Variants in RNF115 observed in about 807,000 individuals in gnomAD.
RNF115 encodes the protein ring finger protein 115.
RNF115 carries 31 observed loss-of-function variants against 39.2 expected under a neutral mutation model. That is an observed-to-expected ratio of 0.79 (90% CI 0.59 to 1.07). The LOEUF is 1.07. Ranked by LOEUF, RNF115 falls within the 50% of genes least tolerant of loss-of-function variation. The pLI is 0.00. For missense variants in RNF115, 384 were observed against 381.7 expected, an observed-to-expected ratio of 1.01 and a Z score of -0.05; for synonymous variants, 124 against 131.0, an observed-to-expected ratio of 0.95 and a Z score of 0.37.
chr1:145,783,988 C>T (rs781783402), intron 3 of RNF115, among the ~76,000 whole-genome samples: 4 of 152,162 alleles, frequency 2.6e-5, no homozygotes, highest in Middle Eastern at 3.4e-3. Flanking sequence ...AAAATATGGA[C>T]GCCACATTAT....
intron 4 of RNF115, among the ~76,000 whole-genome samples, chr1:145,767,496 G>C (rs1346166258): frequency 6.6e-6 from 1 of 151,674 alleles, no homozygotes; most frequent in Non-Finnish European, 1.5e-5. Flanking sequence ...AGACTGGGCA[G>C]CCAGGCAGAG....
At chr1:145,760,021 CATCT>C (rs781980511) in intron 4 of RNF115, among the ~76,000 whole-genome samples, 22 of 152,184 alleles carry the variant, frequency 1.4e-4, no homozygotes, top group Non-Finnish European at 2.9e-4. Context: ...TTATTTTGAT[CATCT>C]ATCTTTCTCC....
chr1:145,758,199 A>G (rs1365748664), intron 4 of RNF115, among the ~76,000 whole-genome samples: 9 of 152,140 alleles, frequency 5.9e-5, no homozygotes, highest in African/African-American at 2.2e-4. Context: ...AAAAGATATT[A>G]TGGGTTTTTT....
At chr1:145,823,646 C>T (rs1650415055) in intron 1 of RNF115, 126 bp downstream of exon 1, 4 of 740,068 alleles carry the variant, frequency 5.4e-6, no homozygotes, top group Admixed American at 3.6e-5. Flanking sequence ...TAGAAGTGGG[C>T]AGCAGGTATT....
rs781891649 is a variant in RNF115 at position 145,823,826 on chromosome 1, G to A, written c.48C>T (p.Ala16=). The A allele has an allele frequency of 1.9e-6, 3 of 1,582,592 alleles. No individual in the cohort carries two copies. The East Asian group carries it at 7.3e-5, about 39-fold the overall frequency. Reference sequence around the variant, plus strand: ...AAAAGTGGCAGAAAAACCGGTGGGCGGCTACAGCGGCGCCCGAGTCCGCCC... The same window carrying A: ...AAAAGTGGCAGAAAAACCGGTGGGCAGCTACAGCGGCGCCCGAGTCCGCCC... ...AAGADSGAAV[A]AHRFFCHFCK... is the part of the protein sequence containing the mutation. Residue 16 remains alanine, a synonymous_variant, in exon 1 of 9, where the codon GCC becomes GCT. Transcript: ENST00000582693.
chr1:145,794,117 T>A (rs1648819587), intron 1 of RNF115, among the ~76,000 whole-genome samples: 1 of 152,220 alleles, frequency 6.6e-6, no homozygotes, highest in Admixed American at 6.5e-5. Context: ...GTGCTGGAAT[T>A]ACAGGCGTGA....
chr1:145,803,369 A>C lies in RNF115; in HGVS notation c.103-14403T>G, dbSNP rs781999626. ...ATGGTTTCATCCCCCTAAGAATAGT[A>C]ACATTCACATTCACAACCTTTATTT... On this transcript the variant is annotated intron_variant, in intron 1 of 8. Transcript: ENST00000582693. Among the ~76,000 whole-genome samples the C allele has an allele frequency of 1.6e-4, 24 of 152,124 alleles. No homozygotes were observed. The South Asian group carries it at 2.1e-3, about 13-fold the overall frequency.
rs1657676380 is a variant in RNF115, at chr1:145,740,978, C to CA, written c.*5887dup. 1 of 152,282 alleles carries CA rather than the reference C, an allele frequency of 6.6e-6. No individual in the cohort carries two copies. Among genetic ancestry groups the CA allele is most frequent in the Admixed American group, 6.5e-5 (1 of 15,276 alleles). The allele number at this position is 152,282 out of a possible 1,614,324, so 9.4% of individuals were successfully genotyped here. On this transcript the variant is annotated 3_prime_UTR_variant, in exon 9 of 9. Coordinates refer to ENST00000582693, the MANE Select transcript of RNF115 (RefSeq NM_014455.4). The stretch of plus-strand genomic sequence containing the variant: ...TCAGCCTCCCAAGTAGCTGGGACTA[C>CA]AGGTGCATGCCACCACACCTGGCTA...
At chr1:145,805,176 T>C (rs1409489412) in intron 1 of RNF115, among the ~76,000 whole-genome samples, 4 of 152,216 alleles carry the variant, frequency 2.6e-5, no homozygotes, top group African/African-American at 9.7e-5. Flanking sequence ...AATTCTAGCA[T>C]TGACTTGCCA....
chr1:145,823,847 C>G lies in RNF115; in HGVS notation c.27G>C (p.Ala9=), dbSNP rs1178000951. The G allele has an allele frequency of 6.4e-7, 1 of 1,563,670 alleles. No individual in the cohort carries two copies. Among genetic ancestry groups the G allele is most frequent in the African/African-American group, 1.4e-5 (1 of 71,004 alleles). Reference sequence around the variant, plus strand: ...GGGCGGCTACAGCGGCGCCCGAGTCCGCCCCGGCCGCCGAAGCCTCCGCCA... The same window carrying G: ...GGGCGGCTACAGCGGCGCCCGAGTCGGCCCCGGCCGCCGAAGCCTCCGCCA... MAEASAAG[A]DSGAAVAAHR... The change falls in exon 1 of 9, where the codon GCG becomes GCC. Residue 9 remains alanine, a synonymous_variant. Transcript: ENST00000582693.
chr1:145,771,222 T>C (rs1375325030), intron 4 of RNF115, among the ~76,000 whole-genome samples: 6 of 152,170 alleles, frequency 3.9e-5, no homozygotes, highest in Non-Finnish European at 8.8e-5. Context: ...TGGAAGTGGA[T>C]TAGTTATTGT....
intron 1 of RNF115, among the ~76,000 whole-genome samples, chr1:145,794,540 C>T (rs1217285343): frequency 4.1e-5 from 5 of 121,254 alleles, no homozygotes; most frequent in Non-Finnish European, 8.1e-5. Context: ...GACAGAGTCT[C>T]ACTCTGACGC....
At chr1:145,782,690 G>A (rs868919510) in intron 3 of RNF115, among the ~76,000 whole-genome samples, 1 of 152,220 alleles carries the variant, frequency 6.6e-6, no homozygotes, top group East Asian at 1.9e-4. Context: ...TTGGCAGACC[G>A]ATCTATTTCC....
intron 1 of RNF115, among the ~76,000 whole-genome samples, chr1:145,796,023 T>C (rs1384339708): frequency 6.6e-6 from 1 of 152,200 alleles, no homozygotes; most frequent in East Asian, 1.9e-4. Context: ...GAACAAAGTC[T>C]GGTCTCAAAA....
chr1:145,752,635 C>G (rs981073289), intron 5 of RNF115, among the ~76,000 whole-genome samples: 18 of 133,028 alleles, frequency 1.4e-4, no homozygotes, highest in African/African-American at 5.4e-4. Context: ...GTCGCCCAAG[C>G]TGGAGTACAG....
At chr1:145,764,616 C>A (rs1255485604) in intron 4 of RNF115, among the ~76,000 whole-genome samples, 1 of 151,026 alleles carries the variant, frequency 6.6e-6, no homozygotes. Context: ...GCCGCCCCGT[C>A]TGGGAAGTGA....
At chr1:145,755,247 A>C (rs1429460225) in intron 4 of RNF115, among the ~76,000 whole-genome samples, 1 of 144,464 alleles carries the variant, frequency 6.9e-6, no homozygotes, top group East Asian at 2.3e-4. Flanking sequence ...CAAAAAAAAA[A>C]AGGTGGGGGG....
chr1:145,790,659 T>C (rs1368910079), intron 1 of RNF115, among the ~76,000 whole-genome samples: 3 of 151,600 alleles, frequency 2.0e-5, no homozygotes, highest in Admixed American at 6.6e-5. Context: ...CTCGAACTCC[T>C]GACCTCAGGT....
At chr1:145,787,046 G>A in intron 2 of RNF115, 1 of 1,278,238 alleles carries the variant, frequency 7.8e-7, no homozygotes, top group South Asian at 1.2e-5. Context: ...TTGTGGAAGG[G>A]ACCTTCAACT....
Sources: allele counts gnomAD v4.1 joint callset (sites outside exome capture counted in the v4.1 genomes callset), GRCh38; gene constraint gnomAD v4.1.1; transcripts MANE v1.5; gene names NCBI Gene and HGNC (gene_info 2026-07-23, HGNC 2026-07-21).